ZNF668: variants seen among roughly 807,000 people sequenced by gnomAD.
The protein encoded by ZNF668 is zinc finger protein 668.
Under a neutral mutation model 40.3 loss-of-function variants are expected in ZNF668, and 10 were observed. The observed-to-expected ratio is 0.25, with a 90% CI of 0.15 to 0.42. The LOEUF (loss-of-function observed/expected upper bound fraction) is 0.42, where lower values mean the gene tolerates loss of function less well. Ranked by LOEUF, ZNF668 falls within the 10% of genes least tolerant of loss-of-function variation. The pLI is 1.00. For missense variants in ZNF668, 749 were observed against 904.6 expected (o/e 0.83, Z 2.21); for synonymous variants, 428 against 384.6 (o/e 1.11, Z -1.32).
At position 31,061,745 on chromosome 16, in the gene ZNF668, TACAGTG is replaced by T; in HGVS notation, c.1177_1182del (p.His393_Cys394del). 2 of 1,613,528 alleles carry T rather than the reference TACAGTG, an allele frequency of 1.2e-6. No individual in the cohort carries two copies. The highest frequency in any genetic ancestry group is 1.7e-6 in the Non-Finnish European group (2 of 1,179,904). On this transcript the variant is annotated inframe_deletion, in exon 3 of 3. Coordinates refer to ENST00000300849, the MANE Select transcript of ZNF668 (RefSeq NM_024706.5). The surrounding 1 kb of genome is among the most constrained non-coding windows in gnomAD (Gnocchi z 7.7). Reference sequence around the variant, plus strand: ...ACCACAAAGGATTTCCCACATGCGTTACAGTGGAAGGGGCGCTCCCCCGAGTGCACC... The same window carrying T: ...ACCACAAAGGATTTCCCACATGCGTTGAAGGGGCGCTCCCCCGAGTGCACC...
At chr16:31,062,366 C>T in intron 2 of ZNF668, 86 bp from the exon 3 acceptor site, 1 of 1,489,726 alleles carries the variant, frequency 6.7e-7, no homozygotes, top group Admixed American at 2.4e-5. Flanking sequence ...TTAGGGGCTC[C>T]CCAAACGTTC....
intron 1 of ZNF668, among the ~76,000 whole-genome samples, chr16:31,069,655 C>T (rs540466699): frequency 3.3e-5 from 5 of 152,168 alleles, no homozygotes; most frequent in Admixed American, 6.6e-5. Context: ...TCTCTATCTA[C>T]TCTTTATTAT....
At chr16:31,069,700 T>C (rs986696107) in intron 1 of ZNF668, among the ~76,000 whole-genome samples, 1 of 152,002 alleles carries the variant, frequency 6.6e-6, no homozygotes, top group Non-Finnish European at 1.5e-5. Context: ...CATGATTATC[T>C]ATCAAGCAGT....
In ZNF668 at chr16:31,063,745, G is replaced by A. The variant is rs2056954924; in HGVS notation, c.647+68C>T. On this transcript the variant is annotated intron_variant, in intron 2 of 2. Coordinates refer to ENST00000300849, the MANE Select transcript of ZNF668 (RefSeq NM_024706.5). ...ACTTTACCCTGAGACTCAAACCCAG[G>A]CCCCATTGGCTGCAGCAACGCTGTC... 13 of 1,428,714 alleles carry A rather than the reference G, an allele frequency of 9.1e-6. No homozygotes were observed. The South Asian group carries it at 1.6e-4, about 17-fold the overall frequency. 88.5% of individuals were successfully genotyped at this position (1,428,714 alleles called of 1,614,324 possible).
chr16:31,069,755 C>T (rs1242061779), intron 1 of ZNF668, among the ~76,000 whole-genome samples: 3 of 149,654 alleles, frequency 2.0e-5, no homozygotes, highest in East Asian at 3.9e-4. Context: ...CAGGTGCCCG[C>T]CACCACGCCC....
At chr16:31,063,267 G>A (rs893758067) in intron 2 of ZNF668, among the ~76,000 whole-genome samples, 2 of 151,962 alleles carry the variant, frequency 1.3e-5, no homozygotes, top group Admixed American at 6.6e-5. Flanking sequence ...CAAGTACCCG[G>A]GACTAGAAGT....
chr16:31,072,122 C>T (rs941974847), intron 1 of ZNF668, among the ~76,000 whole-genome samples: 4 of 152,238 alleles, frequency 2.6e-5, no homozygotes, highest in Admixed American at 1.3e-4. Flanking sequence ...CACCTGCTCT[C>T]TGAGCCCTGA....
At chr16:31,067,489 T>C (rs534705540) in intron 1 of ZNF668, among the ~76,000 whole-genome samples, 314 of 152,296 alleles carry the variant, frequency 2.1e-3, no homozygotes, top group African/African-American at 7.3e-3. Context: ...GATGTGACCG[T>C]GTGTAATGTA....
rs1315099397 is a variant in ZNF668, at chr16:31,061,144, G to A, written c.1784C>T (p.Pro595Leu). The A allele has an allele frequency of 1.3e-6, 2 of 1,516,824 alleles. No homozygotes were observed. The highest frequency in any genetic ancestry group is 2.3e-5 in the East Asian group (1 of 43,660). 94.0% of individuals were successfully genotyped at this position (1,516,824 alleles called of 1,614,324 possible). The change falls in exon 3 of 3, where the codon CCT becomes CTT. Residue 595 changes from proline to leucine, a missense_variant. Around this residue, in one of 4 missense-constraint regions of ZNF668, gnomAD observed 310 missense variants for 355.1 expected, o/e 0.87. Transcript: ENST00000300849. This position sits in a 1 kb window ranked among gnomAD's most constrained non-coding sequence, Gnocchi z 7.7. ...SDLRKHERTH[P>L]VPMGTPTPLE... ...GGGTGTGGGGGTCCCCATGGGCACAGGGTGGGTGCGTTCATGCTTGCGCAA... is the reference window on the plus strand; with the variant it reads ...GGGTGTGGGGGTCCCCATGGGCACAAGGTGGGTGCGTTCATGCTTGCGCAA...
In ZNF668 at chr16:31,062,300, T is replaced by C; in HGVS notation, c.648-20A>G. The C allele has an allele frequency of 6.3e-7, 1 of 1,576,102 alleles. No homozygotes were observed. The highest frequency in any genetic ancestry group is 1.3e-5 in the African/African-American group (1 of 74,462). ...TGGGACCTGCGGGGGTGTGGAGGAC[T>C]TGGCATGAAGGCGACAGACCCATAA... On this transcript the variant is annotated intron_variant, in intron 2 of 2. Transcript: ENST00000300849.
rs759680502 is a variant in ZNF668, at chr16:31,068,264, A to ATATATATATATG, written c.-22-3784_-22-3783insCATATATATATA. Among the ~76,000 whole-genome samples, 1,086 of 111,394 alleles carry ATATATATATATG rather than the reference A, an allele frequency of 9.7e-3. 25 individuals are homozygous for ATATATATATATG. The highest frequency in any genetic ancestry group is 0.016 in the Non-Finnish European group (826 of 51,792). The allele number at this position is 111,394 out of a possible 152,430, so 73.1% of individuals were successfully genotyped here. On this transcript the variant is annotated intron_variant, in intron 1 of 2. Transcript: ENST00000300849. ...AATATATATATATATATATATATAT[A>ATATATATATATG]TAATTTTTGAGATGGAGTCTTACTC...
At position 31,061,758 on chromosome 16, in the gene ZNF668, G is replaced by A. The variant is rs1218242646; in HGVS notation, c.1170C>T (p.Arg390=). 5.0e-6 allele frequency: 8 copies of A among 1,613,164 alleles called. No individual in the cohort carries two copies. Among genetic ancestry groups the A allele is most frequent in the Non-Finnish European group, 6.8e-6 (8 of 1,179,894 alleles). Residue 390 remains arginine, a synonymous_variant, in exon 3 of 3, where the codon CGC becomes CGT. Transcript: ENST00000300849. The surrounding 1 kb of genome is among the most constrained non-coding windows in gnomAD (Gnocchi z 7.7). ...TKHSRVHSGE[R]PFHCNACGKS... ...TCCCACATGCGTTACAGTGGAAGGG[G>A]CGCTCCCCCGAGTGCACCCGGCTAT...
chr16:31,062,150 C>T lies in ZNF668; in HGVS notation c.778G>A (p.Gly260Ser), dbSNP rs866057672. The change falls in exon 3 of 3, where the codon GGC becomes AGC. Residue 260 changes from glycine (G) to serine (S), a missense_variant. Transcript: ENST00000300849. ...KPYRCPACGK[G>S]FTQLSSYQSH... is the part of the protein sequence containing the mutation. ...TGGTAGGAACTGAGCTGCGTGAAGCCCTTGCCGCAGGCCGGGCAGCGGTAG... is the reference window on the plus strand; with the variant it reads ...TGGTAGGAACTGAGCTGCGTGAAGCTCTTGCCGCAGGCCGGGCAGCGGTAG... 18 of 1,613,756 alleles carry T rather than the reference C, an allele frequency of 1.1e-5. 1 individual carries two copies. In the Middle Eastern group the frequency reaches 2.6e-3, roughly 236 times the overall value.
In ZNF668 at chr16:31,062,190, G is replaced by A. The variant is rs1161632278; in HGVS notation, c.738C>T (p.His246=). The stretch of plus-strand genomic sequence containing the variant: ...GGCAGCGGTAGGGCTTCTGTGCCGC[G>A]TGGATGCGCTGGTGGCACGTGAGCG... ...SSSLTCHQRI[H]AAQKPYRCPA... Residue 246 remains histidine, a synonymous_variant, in exon 3 of 3, where the codon CAC becomes CAT. Transcript: ENST00000300849. 6.8e-6 allele frequency: 11 copies of A among 1,613,764 alleles called. No individual in the cohort carries two copies. The highest frequency in any genetic ancestry group is 9.3e-6 in the Non-Finnish European group (11 of 1,179,878).
Position 31,063,390 on chromosome 16 carries a change from C to CA in ZNF668, c.647+422dup, listed in dbSNP as rs144056373. 1.0e-2 allele frequency among the ~76,000 whole-genome samples: 1,515 copies of CA among 152,082 alleles called. 28 individuals are homozygous for CA. The highest frequency in any genetic ancestry group is 0.034 in the African/African-American group (1,411 of 41,466). Reference sequence around the variant, plus strand: ...AAGCAATCCTCCTGCCTCAGCCTCCCAAAGTGCTGGAATTATAGGCGTGAG... The same window carrying CA: ...AAGCAATCCTCCTGCCTCAGCCTCCCAAAAGTGCTGGAATTATAGGCGTGAG... On this transcript the variant is annotated intron_variant, in intron 2 of 2. Transcript: ENST00000300849.
Position 31,063,972 on chromosome 16 carries a change from G to A in ZNF668, c.488C>T (p.Thr163Ile), listed in dbSNP as rs755501822. 1.9e-6 allele frequency: 3 copies of A among 1,610,392 alleles called. No individual in the cohort carries two copies. The highest frequency in any genetic ancestry group is 2.5e-6 in the Non-Finnish European group (3 of 1,178,182). Residue 163 changes from threonine to isoleucine, a missense_variant, in exon 2 of 3, where the codon ACA (threonine) becomes ATA (isoleucine). Physicochemically the swap from Thr to Ile is moderately conservative, Grantham distance 89. Coordinates refer to ENST00000300849, the MANE Select transcript of ZNF668 (RefSeq NM_024706.5). ...GGCGCAGGCGTAAGGCCGCTCGCCTGTGTGGCCACGCTGGTGGATCTTGAG... is the reference window on the plus strand; with the variant it reads ...GGCGCAGGCGTAAGGCCGCTCGCCTATGTGGCCACGCTGGTGGATCTTGAG... ...SKLKIHQRGH[T>I]GERPYACADC...
At chr16:31,068,487 G>T (rs1202719563) in intron 1 of ZNF668, among the ~76,000 whole-genome samples, 4 of 149,186 alleles carry the variant, frequency 2.7e-5, no homozygotes, top group Non-Finnish European at 5.9e-5. Flanking sequence ...CTCCCAAAGT[G>T]CTGGGATTAC....
rs554309302 is a variant in ZNF668, at chr16:31,066,057, C to A, written c.-22-1576G>T. 2.9e-5 allele frequency: 29 copies of A among 985,368 alleles called. 1 individual carries two copies. The South Asian group carries it at 1.4e-3, about 46-fold the overall frequency. 61.0% of individuals were successfully genotyped at this position (985,368 alleles called of 1,614,324 possible). A position where few individuals can be genotyped will look rare whatever the true frequency, so the allele number is the denominator to read the frequency against. On this transcript the variant is annotated intron_variant, in intron 1 of 2. Transcript: ENST00000300849. ...GGTTGACCCAGGGAGGACACAGGAG[C>A]CCCTGACGCGTGGCAAGGGCCACAT...
chr16:31,064,174 C>G lies in ZNF668; in HGVS notation c.286G>C (p.Ala96Pro). 2 of 1,610,908 alleles carry G rather than the reference C, an allele frequency of 1.2e-6. No homozygotes were observed. Among genetic ancestry groups the G allele is most frequent in the Non-Finnish European group, 1.7e-6 (2 of 1,179,758 alleles). The part of the protein sequence containing the change: ...CPLCPKAYKT[A>P]PELRSHGRSH... ...CGCCCGTGGCTGCGCAGCTCGGGTG[C>G]CGTCTTGTAGGCCTTGGGGCATAGC... The change falls in exon 2 of 3, where the codon GCA (alanine) becomes CCA (proline). Residue 96 changes from alanine (A) to proline (P), a missense_variant. Physicochemically the swap from Ala to Pro is conservative, Grantham distance 27 (BLOSUM62 -1). Transcript: ENST00000300849.
Sources: allele counts gnomAD v4.1 joint callset (sites outside exome capture counted in the v4.1 genomes callset), GRCh38; gene constraint gnomAD v4.1.1; regional missense constraint gnomAD v4.1.1; non-coding constraint Gnocchi (gnomAD v3.1); transcripts MANE v1.5; gene names NCBI Gene and HGNC (gene_info 2026-07-23, HGNC 2026-07-21).